AKT3: variants seen among roughly 807,000 people sequenced by gnomAD.
AKT3 encodes the protein AKT serine/threonine kinase 3.
A neutral mutation model predicts 65.3 loss-of-function variants in AKT3; 15 were observed. The observed-to-expected ratio is 0.23, with a 90% CI of 0.15 to 0.35. AKT3 has a LOEUF of 0.35. AKT3 is among the 10% of genes least tolerant of loss of function. The probability of loss-of-function intolerance (pLI) is 1.00; values close to 1 mark genes in which losing one functional copy is unlikely to be tolerated. For missense variants in AKT3, 243 were observed against 576.5 expected, an observed-to-expected ratio of 0.42 and a Z score of 5.92; for synonymous variants, 206 against 183.8, an observed-to-expected ratio of 1.12 and a Z score of -0.98.
chr1:243,490,458 A>C (rs923107428), intron 13 of AKT3, among the ~76,000 whole-genome samples: 1 of 152,230 alleles, frequency 6.6e-6, no homozygotes, highest in Non-Finnish European at 1.5e-5. Flanking sequence ...ATTCTGGACG[A>C]CACTACATTT....
At chr1:243,670,574 T>A (rs929840239) in intron 3 of AKT3, among the ~76,000 whole-genome samples, 1 of 152,110 alleles carries the variant, frequency 6.6e-6, no homozygotes, top group Non-Finnish European at 1.5e-5. Context: ...AAATCAGAAG[T>A]AGAAACTTTG....
intron 8 of AKT3, among the ~76,000 whole-genome samples, chr1:243,601,698 C>CT (rs1475560627): frequency 6.6e-6 from 1 of 152,136 alleles, no homozygotes; most frequent in African/African-American, 2.4e-5. Flanking sequence ...AAACATATGA[C>CT]TGTACATCAC....
chr1:243,498,904 C>T (rs551938138), downstream of AKT3, among the ~76,000 whole-genome samples: 3 of 152,208 alleles, frequency 2.0e-5, no homozygotes, highest in Non-Finnish European at 4.4e-5. Context: ...ACGTAGAAAC[C>T]GGGATTTGGA....
chr1:243,819,085 T>C (rs1379168272), intron 2 of AKT3, among the ~76,000 whole-genome samples: 1 of 152,244 alleles, frequency 6.6e-6, no homozygotes, highest in African/African-American at 2.4e-5. Flanking sequence ...CGCAGAGCTG[T>C]GCAGATGTTT....
chr1:243,658,690 T>C (rs1313020362), intron 4 of AKT3, among the ~76,000 whole-genome samples: 1 of 151,912 alleles, frequency 6.6e-6, no homozygotes, highest in Non-Finnish European at 1.5e-5. Flanking sequence ...GTTGCACTAT[T>C]CGCAATAGCC....
chr1:243,503,325 A>C lies in AKT3; in HGVS notation c.*1924T>G, dbSNP rs1173828067. The C allele has an allele frequency of 4.3e-6, 1 of 233,602 alleles. No individual in the cohort carries two copies. Among genetic ancestry groups the C allele is most frequent in the Non-Finnish European group, 8.5e-6 (1 of 118,052 alleles). The allele number at this position is 233,602 out of a possible 1,614,324, so 14.5% of individuals were successfully genotyped here. ...AGTGGTTTCATAGCTATAAATCCAC[A>C]CTTCCAGCGTCAAGAGGCTAAGACA... On this transcript the variant is annotated 3_prime_UTR_variant, in exon 14 of 14. Coordinates refer to ENST00000673466, the MANE Select transcript of AKT3 (RefSeq NM_005465.7).
At chr1:243,756,816 A>ACTAGTAGT (rs1429072001) in intron 2 of AKT3, among the ~76,000 whole-genome samples, 1 of 152,242 alleles carries the variant, frequency 6.6e-6, no homozygotes, top group Non-Finnish European at 1.5e-5. Flanking sequence ...AGTGGAGAAA[A>ACTAGTAGT]CTAGTAGTCA....
chr1:243,602,781 G>A (rs1677109913), intron 8 of AKT3, among the ~76,000 whole-genome samples: 1 of 152,144 alleles, frequency 6.6e-6, no homozygotes, highest in Non-Finnish European at 1.5e-5. Flanking sequence ...GAAACTGTTA[G>A]CTTCATTACA....
intron 2 of AKT3, among the ~76,000 whole-genome samples, chr1:243,715,547 T>C (rs868373308): frequency 9.9e-5 from 15 of 152,116 alleles, no homozygotes; most frequent in Middle Eastern, 3.2e-3. Context: ...TGAATCCTAC[T>C]GTATTAACAA....
chr1:243,700,909 A>G (rs1685415341), intron 2 of AKT3, among the ~76,000 whole-genome samples: 2 of 152,230 alleles, frequency 1.3e-5, no homozygotes, highest in African/African-American at 4.8e-5. Flanking sequence ...AATCATCTTT[A>G]TCATGAATTA....
intron 2 of AKT3, among the ~76,000 whole-genome samples, chr1:243,841,825 A>G (rs974041303): frequency 6.6e-6 from 1 of 151,902 alleles, no homozygotes; most frequent in Non-Finnish European, 1.5e-5. Context: ...ACCATGAACT[A>G]CTACTCAACC....
At position 243,734,341 on chromosome 1, in the gene AKT3, C is replaced by A. The variant is rs532840861; in HGVS notation, c.47-38625G>T. On this transcript the variant is annotated intron_variant, in intron 2 of 13. Coordinates refer to ENST00000673466, the MANE Select transcript of AKT3 (RefSeq NM_005465.7). ...AATACCAGGTCACATTACTCCATTA[C>A]AGTCATGCATTGCTTAATGATGGGG... is the stretch of plus-strand genomic sequence containing the variant. Among the ~76,000 whole-genome samples, 23 of 152,330 alleles carry A rather than the reference C, an allele frequency of 1.5e-4. No individual in the cohort carries two copies. In the South Asian group the frequency reaches 4.8e-3, roughly 32 times the overall value.
chr1:243,718,089 G>A (rs1686625134), intron 2 of AKT3, among the ~76,000 whole-genome samples: 2 of 152,166 alleles, frequency 1.3e-5, no homozygotes, highest in South Asian at 4.1e-4. Flanking sequence ...GAAAACAGAG[G>A]ACCTTTCCTT....
intron 2 of AKT3, among the ~76,000 whole-genome samples, chr1:243,813,499 GA>G (rs932160515): frequency 1.4e-4 from 21 of 145,194 alleles, no homozygotes; most frequent in African/African-American, 5.2e-4. Context: ...AAAAAAAAAA[GA>G]AAAAAAGTAC....
At chr1:243,691,678 A>G (rs760710863) in intron 3 of AKT3, among the ~76,000 whole-genome samples, 12 of 152,220 alleles carry the variant, frequency 7.9e-5, no homozygotes, top group Non-Finnish European at 1.6e-4. Flanking sequence ...TCAGATACTG[A>G]GTACAAAGGA....
chr1:243,612,151 C>T (rs747731568), intron 8 of AKT3, among the ~76,000 whole-genome samples: 1 of 152,004 alleles, frequency 6.6e-6, no homozygotes, highest in Non-Finnish European at 1.5e-5. Context: ...CTCTGTCACC[C>T]AGGCTGAAGT....
At position 243,583,166 on chromosome 1, in the gene AKT3, GTGTGTA is replaced by G. The variant is rs1381490700; in HGVS notation, c.697-10124_697-10119del. ...ATATCTCTCTCTTCCATGTATATGT[GTGTGTA>G]TATATATATATATATATATATATAC... On this transcript the variant is annotated intron_variant, in intron 8 of 13. Coordinates refer to ENST00000673466, the MANE Select transcript of AKT3 (RefSeq NM_005465.7). Among the ~76,000 whole-genome samples the G allele has an allele frequency of 3.2e-3, 275 of 85,812 alleles. 3 individuals are homozygous for G. Among genetic ancestry groups the G allele is most frequent in the African/African-American group, 0.011 (258 of 24,070 alleles). 56.3% of individuals were successfully genotyped at this position (85,812 alleles called of 152,430 possible). A position where few individuals can be genotyped will look rare whatever the true frequency, so the allele number is the denominator to read the frequency against.
intron 2 of AKT3, among the ~76,000 whole-genome samples, chr1:243,718,202 T>C (rs144458895): frequency 6.6e-6 from 1 of 152,280 alleles, no homozygotes; most frequent in African/African-American, 2.4e-5. Context: ...GCTGAAGCAA[T>C]TATGAACAGG....
intron 11 of AKT3, chr1:243,547,105 T>C (rs1121276): frequency 0.3 from 45,816 of 152,038 alleles, 7,654 homozygotes; most frequent in Admixed American, 0.44. Flanking sequence ...AAACAGTAAG[T>C]GCAGCCCCAA....
Sources: gnomAD v4.1 joint callset for allele counts (sites outside exome capture counted in the v4.1 genomes callset) on GRCh38, gnomAD v4.1.1 for gene constraint, MANE v1.5 for transcripts, NCBI Gene and HGNC (gene_info 2026-07-23, HGNC 2026-07-21) for gene names.